Variants in EFCAB11 observed in about 807,000 individuals in gnomAD.
EFCAB11 encodes EF-hand calcium-binding domain-containing protein 11.
A neutral mutation model predicts 23.0 loss-of-function variants in EFCAB11; 14 were observed. That is an observed-to-expected ratio of 0.61 (90% CI 0.40 to 0.95). The LOEUF is 0.95. Among genes scored for constraint, EFCAB11 ranks in the 40% least tolerant of loss-of-function variants. EFCAB11 has a pLI of 0.00. For missense variants in EFCAB11, 198 were observed against 195.8 expected (o/e 1.01, Z -0.07); for synonymous variants, 65 against 66.6 (o/e 0.98, Z 0.11).
chr14:89,909,144 G>A (rs1889582617), intron 5 of EFCAB11, among the ~76,000 whole-genome samples: 1 of 152,190 alleles, frequency 6.6e-6, no homozygotes, highest in African/African-American at 2.4e-5. Flanking sequence ...TCAGAAAAAT[G>A]CATGCTGGGC....
At chr14:89,883,241 C>A (rs1254221973) in intron 5 of EFCAB11, among the ~76,000 whole-genome samples, 1 of 152,188 alleles carries the variant, frequency 6.6e-6, no homozygotes, top group Non-Finnish European at 1.5e-5. Context: ...TATTCTAGTA[C>A]ATCTTTGAAT....
At chr14:89,941,178 A>G (rs972321747) in intron 3 of EFCAB11, among the ~76,000 whole-genome samples, 3 of 152,172 alleles carry the variant, frequency 2.0e-5, no homozygotes, top group Non-Finnish European at 4.4e-5. Flanking sequence ...CTCTAGAAAA[A>G]TTGTTTTGTT....
At chr14:89,848,378 G>A (rs775702158) in intron 5 of EFCAB11, 4 of 152,018 alleles carry the variant, frequency 2.6e-5, no homozygotes, top group Non-Finnish European at 5.9e-5. Context: ...ACATCTAGTG[G>A]TGTGCTGCAG....
intron 5 of EFCAB11, among the ~76,000 whole-genome samples, chr14:89,839,834 A>T (rs945751389): frequency 6.6e-6 from 1 of 151,872 alleles, no homozygotes; most frequent in Non-Finnish European, 1.5e-5. Context: ...CTCTGTAACA[A>T]CCAGATCTTG....
chr14:89,824,614 C>T (rs1886630915), intron 5 of EFCAB11, among the ~76,000 whole-genome samples: 1 of 152,098 alleles, frequency 6.6e-6, no homozygotes, highest in South Asian at 2.1e-4. Flanking sequence ...AAAAAGCAGA[C>T]TCAACTGTAT....
intron 5 of EFCAB11, among the ~76,000 whole-genome samples, chr14:89,846,349 C>T (rs568117876): frequency 3.8e-4 from 58 of 152,326 alleles, no homozygotes; most frequent in African/African-American, 1.3e-3. Context: ...AAGAACGTCA[C>T]TAACCATGAA....
Position 89,826,894 on chromosome 14 carries a change from G to A in EFCAB11, c.411-29570C>T, listed in dbSNP as rs772324102. Reference sequence around the variant, plus strand: ...TAATCATGATGCCACGGCATGACCCGATTACTAACATTCCATTTCACATTG... The same window carrying A: ...TAATCATGATGCCACGGCATGACCCAATTACTAACATTCCATTTCACATTG... On this transcript the variant is annotated intron_variant, in intron 5 of 5. Transcript: ENST00000316738. Among the ~76,000 whole-genome samples, 6 of 152,074 alleles carry A rather than the reference G, an allele frequency of 3.9e-5. No homozygotes were observed. The South Asian group carries it at 6.2e-4, about 16-fold the overall frequency.
rs779535305 is a variant in EFCAB11 at position 89,954,664 on chromosome 14, G to C, written c.-4C>G. ...CTCTGGCCTCGGAGAAGAACATCGC[G>C]ACTACAACAACCGAGCCCCAGCAAC... On this transcript the variant is annotated 5_prime_UTR_variant, in exon 1 of 6. Transcript: ENST00000316738. 1.2e-6 allele frequency: 2 copies of C among 1,610,922 alleles called. No individual in the cohort carries two copies. The highest frequency in any genetic ancestry group is 1.7e-5 in the Admixed American group (1 of 59,902).
chr14:89,841,987 C>G (rs958285931), intron 5 of EFCAB11, among the ~76,000 whole-genome samples: 3 of 152,152 alleles, frequency 2.0e-5, no homozygotes, highest in Non-Finnish European at 2.9e-5. Context: ...GATTCCTCCT[C>G]CTTCTCTCTA....
chr14:89,871,667 CCTTT>C (rs768740276), intron 5 of EFCAB11, among the ~76,000 whole-genome samples: 10 of 152,196 alleles, frequency 6.6e-5, no homozygotes, highest in Non-Finnish European at 1.3e-4. Flanking sequence ...ACTGACCTCT[CCTTT>C]CTATTACCCA....
intron 5 of EFCAB11, 122 bp downstream of exon 5, chr14:89,931,419 G>T: frequency 9.0e-6 from 8 of 893,232 alleles, no homozygotes; most frequent in Non-Finnish European, 1.4e-5. Flanking sequence ...ACACTATGCT[G>T]CAAGAGAAAA....
chr14:89,823,239 C>T (rs1029747010), intron 5 of EFCAB11, among the ~76,000 whole-genome samples: 2 of 152,156 alleles, frequency 1.3e-5, no homozygotes, highest in Non-Finnish European at 2.9e-5. Flanking sequence ...TGGGCATCCA[C>T]CAGGGCCAGA....
chr14:89,839,193 A>G (rs1339015326), intron 5 of EFCAB11, among the ~76,000 whole-genome samples: 2 of 152,214 alleles, frequency 1.3e-5, no homozygotes, highest in African/African-American at 2.4e-5. Flanking sequence ...CTCAGGGAAG[A>G]GTCAAATTTC....
At chr14:89,872,220 T>C (rs567377386) in intron 5 of EFCAB11, among the ~76,000 whole-genome samples, 2 of 152,350 alleles carry the variant, frequency 1.3e-5, no homozygotes, top group South Asian at 2.1e-4. Context: ...GTTCTATTGC[T>C]ATTTGCCATG....
chr14:89,879,519 C>T (rs1278027887), intron 5 of EFCAB11, among the ~76,000 whole-genome samples: 1 of 151,800 alleles, frequency 6.6e-6, no homozygotes, highest in Non-Finnish European at 1.5e-5. Context: ...AAACATGCCA[C>T]CCCTCCAAAA....
chr14:89,919,086 G>T (rs1203850004), intron 5 of EFCAB11, among the ~76,000 whole-genome samples: 1 of 151,920 alleles, frequency 6.6e-6, no homozygotes, highest in Non-Finnish European at 1.5e-5. Flanking sequence ...CTGTGACATG[G>T]TCCCATTCTG....
chr14:89,854,785 C>T (rs997450931), intron 5 of EFCAB11, among the ~76,000 whole-genome samples: 1 of 152,148 alleles, frequency 6.6e-6, no homozygotes, highest in African/African-American at 2.4e-5. Context: ...TCAACTTCTC[C>T]ATGTCCATCC....
intron 5 of EFCAB11, among the ~76,000 whole-genome samples, chr14:89,918,821 G>A (rs1274531810): frequency 1.3e-5 from 2 of 151,828 alleles, no homozygotes; most frequent in African/African-American, 4.8e-5. Flanking sequence ...GGCAGCCACA[G>A]GTACAGGAGG....
intron 5 of EFCAB11, among the ~76,000 whole-genome samples, chr14:89,869,677 A>G (rs1888207988): frequency 6.6e-6 from 1 of 152,178 alleles, no homozygotes; most frequent in East Asian, 1.9e-4. Context: ...GATGGTGACA[A>G]CAGCTACCTT....
Sources: gnomAD v4.1 joint callset for allele counts (sites outside exome capture counted in the v4.1 genomes callset) on GRCh38, gnomAD v4.1.1 for gene constraint, MANE v1.5 for transcripts, NCBI Gene and HGNC (gene_info 2026-07-23, HGNC 2026-07-21) for gene names.